The following TCEA3 variants were observed in gnomAD, a reference collection of about 807,000 sequenced individuals.
TCEA3 encodes transcription elongation factor A protein 3.
In TCEA3, 36 loss-of-function variants were observed where a neutral mutation model predicts 44.0. The ratio of observed to expected loss-of-function variants is 0.82; its 90% CI spans 0.63 to 1.08. The LOEUF (loss-of-function observed/expected upper bound fraction) is 1.08. Among genes scored for constraint, TCEA3 ranks in the 50% least tolerant of loss-of-function variants. The probability of loss-of-function intolerance (pLI) is 0.00; values close to 1 mark genes in which losing one functional copy is unlikely to be tolerated. For missense variants in TCEA3, 392 were observed against 441.2 expected (o/e 0.89, Z 1.00); for synonymous variants, 162 against 159.7 (o/e 1.01, Z -0.11).
Position 23,381,290 on chromosome 1 carries a change from A to G in TCEA3, c.*176T>C, listed in dbSNP as rs1275596526. On this transcript the variant is annotated 3_prime_UTR_variant, in exon 11 of 11. Coordinates refer to ENST00000450454, the MANE Select transcript of TCEA3 (RefSeq NM_003196.3). Reference sequence around the variant, plus strand: ...TCCAATTAGGCTCCCCCATTAACCAATTGTTTCTAATGACCGATTATTAAT... The same window carrying G: ...TCCAATTAGGCTCCCCCATTAACCAGTTGTTTCTAATGACCGATTATTAAT... The G allele has an allele frequency of 3.2e-5, 20 of 624,928 alleles. No individual in the cohort carries two copies. The highest frequency in any genetic ancestry group is 9.1e-5 in the Admixed American group (3 of 33,064). The allele number at this position is 624,928 out of a possible 1,614,324, so 38.7% of individuals were successfully genotyped here. A position where few individuals can be genotyped will look rare whatever the true frequency, so the allele number is the denominator to read the frequency against.
chr1:23,385,210 C>T (rs1043966509), intron 9 of TCEA3, among the ~76,000 whole-genome samples: 9 of 152,174 alleles, frequency 5.9e-5, no homozygotes, highest in African/African-American at 2.2e-4. Flanking sequence ...CTGGCCACGA[C>T]ATGTAGCAAG....
chr1:23,410,022 G>T (rs1276007595), intron 4 of TCEA3, among the ~76,000 whole-genome samples: 1 of 151,982 alleles, frequency 6.6e-6, no homozygotes, highest in Non-Finnish European at 1.5e-5. Flanking sequence ...CCTCCTGCAA[G>T]CTCCCCAGGG....
intron 4 of TCEA3, among the ~76,000 whole-genome samples, chr1:23,411,718 G>C (rs1056520180): frequency 2.0e-5 from 3 of 152,176 alleles, no homozygotes; most frequent in African/African-American, 7.2e-5. Context: ...ATGGGCTCCA[G>C]ACACCCCTCC....
chr1:23,412,984 T>G (rs1256343240), intron 4 of TCEA3, among the ~76,000 whole-genome samples: 1 of 152,088 alleles, frequency 6.6e-6, no homozygotes, highest in Admixed American at 6.5e-5. Flanking sequence ...AGGAGATACC[T>G]CTCCATTTTC....
intron 5 of TCEA3, among the ~76,000 whole-genome samples, chr1:23,398,500 G>A (rs1570251667): frequency 6.6e-6 from 1 of 152,194 alleles, no homozygotes; most frequent in Non-Finnish European, 1.5e-5. Context: ...CCCTTAAGGG[G>A]CTTACAGTCT....
chr1:23,404,707 C>T (rs951737880), intron 5 of TCEA3, among the ~76,000 whole-genome samples: 1 of 152,026 alleles, frequency 6.6e-6, no homozygotes, highest in African/African-American at 2.4e-5. Flanking sequence ...ACCTGTAATC[C>T]CAGCACTTTG....
intron 8 of TCEA3, among the ~76,000 whole-genome samples, chr1:23,392,472 ACACCACACACTCCACACATCACACACT>A (rs1639075357): frequency 2.3e-5 from 1 of 43,730 alleles, no homozygotes. Flanking sequence ...CACATCATAC[ACACCACACACTCCACACATCACACACT>A]CACACTCCAT....
intron 10 of TCEA3, chr1:23,383,553 G>T: frequency 1.0e-6 from 1 of 963,838 alleles, no homozygotes. Context: ...TGAGTAACAT[G>T]CTCAGCATGA....
chr1:23,388,698 T>C (rs150186464), intron 8 of TCEA3, among the ~76,000 whole-genome samples: 7 of 152,078 alleles, frequency 4.6e-5, no homozygotes, highest in African/African-American at 7.2e-5. Flanking sequence ...TTGGTTATTT[T>C]TGGGACAGGA....
chr1:23,418,047 G>A lies in TCEA3; in HGVS notation c.133-38C>T, dbSNP rs536626780. The A allele has an allele frequency of 3.1e-6, 5 of 1,594,458 alleles. No individual in the cohort carries two copies. The African/African-American group carries it at 5.4e-5, about 17-fold the overall frequency. On this transcript the variant is annotated intron_variant, in intron 2 of 10. Coordinates refer to ENST00000450454, the MANE Select transcript of TCEA3 (RefSeq NM_003196.3). Reference sequence around the variant, plus strand: ...AGGGTTAAGGCATAATCTGGGAATGGATACACAGGAATGGCTGCCATCATT... The same window carrying A: ...AGGGTTAAGGCATAATCTGGGAATGAATACACAGGAATGGCTGCCATCATT...
In TCEA3 at chr1:23,408,734, A is replaced by T. The variant is rs1281217652; in HGVS notation, c.381-8T>A. ...GAGTCCACAGAGTCTCTCCTGAAAG[A>T]AGAAAATTGGCAAGGAGACTGCTTT... On this transcript the variant is annotated splice_region_variant and splice_polypyrimidine_tract_variant and intron_variant, in intron 4 of 10. Transcript: ENST00000450454. 6.2e-7 allele frequency: 1 copy of T among 1,603,698 alleles called. No homozygotes were observed. The highest frequency in any genetic ancestry group is 1.3e-5 in the African/African-American group (1 of 74,908).
At chr1:23,392,446 AT>A (rs1558030483) in intron 8 of TCEA3, among the ~76,000 whole-genome samples, 114 of 3,684 alleles carry the variant, frequency 0.031, no homozygotes, top group Admixed American at 0.055. Context: ...ATCATGCACA[AT>A]ACACACACAC....
chr1:23,400,750 G>A (rs758843465), intron 5 of TCEA3, among the ~76,000 whole-genome samples: 33 of 152,114 alleles, frequency 2.2e-4, no homozygotes, highest in Non-Finnish European at 7.4e-5. Flanking sequence ...CCACTCGAGG[G>A]TCTTACCAAA....
intron 5 of TCEA3, among the ~76,000 whole-genome samples, chr1:23,398,615 G>A (rs1024172323): frequency 6.6e-6 from 1 of 152,130 alleles, no homozygotes; most frequent in African/African-American, 2.4e-5. Context: ...CTTCATAGCA[G>A]TCCCAGGAGG....
intron 4 of TCEA3, among the ~76,000 whole-genome samples, chr1:23,415,302 C>A (rs1479068914): frequency 6.6e-6 from 1 of 152,170 alleles, no homozygotes; most frequent in Non-Finnish European, 1.5e-5. Context: ...GGATTACAGG[C>A]ATGGGCCACT....
Position 23,393,990 on chromosome 1 carries a change from G to A in TCEA3, c.708C>T (p.Asn236=). ...GGTTGCTTATGCGGCTGCGCACGCG[G>A]TTCCGGTACTTCATGTCCGTGCTCT... is the stretch of plus-strand genomic sequence containing the variant. The part of the protein sequence containing the change: ...ELKSTDMKYR[N]RVRSRISNLK... The change falls in exon 8 of 11, where the codon AAC becomes AAT. Residue 236 remains asparagine (N), a synonymous_variant. Coordinates refer to ENST00000450454, the MANE Select transcript of TCEA3 (RefSeq NM_003196.3). 2 of 1,614,076 alleles carry A rather than the reference G, an allele frequency of 1.2e-6. No homozygotes were observed. Among genetic ancestry groups the A allele is most frequent in the Non-Finnish European group, 1.7e-6 (2 of 1,179,902 alleles).
In TCEA3 at chr1:23,424,118, C is replaced by G. The variant is rs755990492; in HGVS notation, c.69+447G>C. Reference sequence around the variant, plus strand: ...CAGGGATGCAGCTCAGTACCCCCGTCAGCCCAAGTTTCTCTGCCACTTCTC... The same window carrying G: ...CAGGGATGCAGCTCAGTACCCCCGTGAGCCCAAGTTTCTCTGCCACTTCTC... On this transcript the variant is annotated intron_variant, in intron 1 of 10. Transcript: ENST00000450454. 9.7e-4 allele frequency among the ~76,000 whole-genome samples: 148 copies of G among 152,198 alleles called. 1 individual carries two copies. Among genetic ancestry groups the G allele is most frequent in the Non-Finnish European group, 6.6e-4 (45 of 67,980 alleles).
At chr1:23,391,149 T>TTTC (rs1491325430) in intron 8 of TCEA3, among the ~76,000 whole-genome samples, 1 of 102,460 alleles carries the variant, frequency 9.8e-6, no homozygotes, top group East Asian at 3.6e-4. Flanking sequence ...TCTTTCTTTC[T>TTTC]TTTTTTTTTT....
chr1:23,402,318 T>C (rs1639421694), intron 5 of TCEA3, among the ~76,000 whole-genome samples: 1 of 152,064 alleles, frequency 6.6e-6, no homozygotes, highest in Non-Finnish European at 1.5e-5. Context: ...TCAGCCTGAG[T>C]GACCGAGTGA....
Sources: gnomAD v4.1 joint callset for allele counts (sites outside exome capture counted in the v4.1 genomes callset) on GRCh38, gnomAD v4.1.1 for gene constraint, MANE v1.5 for transcripts, NCBI Gene and HGNC (gene_info 2026-07-23, HGNC 2026-07-21) for gene names.